The following DMRTB1 variants were observed in gnomAD, a reference collection of about 807,000 sequenced individuals.
DMRTB1 encodes the protein DMRT like family B with proline rich C-terminal 1.
A neutral mutation model predicts 25.2 loss-of-function variants in DMRTB1; 9 were observed. That is an observed-to-expected ratio of 0.36 (90% CI 0.22 to 0.62). DMRTB1 has a LOEUF of 0.62. DMRTB1 is among the 20% of genes least tolerant of loss of function. DMRTB1 has a pLI of 0.71. For synonymous variants in DMRTB1, 269 were observed against 238.1 expected (o/e 1.13, Z -1.20); for missense variants, 551 against 499.3 (o/e 1.10, Z -0.99).
At chr1:53,466,128 G>A (rs1273453216) in intron 3 of DMRTB1, among the ~76,000 whole-genome samples, 5 of 152,204 alleles carry the variant, frequency 3.3e-5, no homozygotes, top group Non-Finnish European at 7.3e-5. Context: ...CCAGGCTCCT[G>A]GCGCCTAACA....
At chr1:53,460,959 C>T (rs557633200) in intron 1 of DMRTB1, among the ~76,000 whole-genome samples, 1 of 152,334 alleles carries the variant, frequency 6.6e-6, no homozygotes, top group Admixed American at 6.5e-5. Flanking sequence ...CCTGAAACTG[C>T]AGATCTAGGA....
intron 1 of DMRTB1, chr1:53,460,236 G>C (rs1436053330): frequency 1.5e-6 from 1 of 657,378 alleles, no homozygotes; most frequent in Non-Finnish European, 2.4e-6. Flanking sequence ...AGGAATGGGC[G>C]GTTCAGAGGG....
Position 53,467,250 on chromosome 1 carries a change from C to CCCT in DMRTB1, c.*588_*589insCCT, listed in dbSNP as rs1644055528. The CCCT allele has an allele frequency of 6.5e-6, 1 of 152,840 alleles. No homozygotes were observed. Among genetic ancestry groups the CCCT allele is most frequent in the Non-Finnish European group, 1.5e-5 (1 of 68,174 alleles). 9.5% of individuals were successfully genotyped at this position (152,840 alleles called of 1,614,324 possible). ...GGGGTTTTACTAGCAAGCATCCTGG[C>CCCT]TGCTGGGGCTACTTCATTCCCCCTC... On this transcript the variant is annotated 3_prime_UTR_variant, in exon 4 of 4. Coordinates refer to ENST00000371445, the MANE Select transcript of DMRTB1 (RefSeq NM_033067.3).
rs1557924393 is a variant in DMRTB1, at chr1:53,466,983, G to T, written c.*321G>T. ...CCATTTATTGGAACAAGCCCCAGAGGCAGTATTTGATTTCCTCAGGCCCCA... is the reference window on the plus strand; with the variant it reads ...CCATTTATTGGAACAAGCCCCAGAGTCAGTATTTGATTTCCTCAGGCCCCA... On this transcript the variant is annotated 3_prime_UTR_variant, in exon 4 of 4. Coordinates refer to ENST00000371445, the MANE Select transcript of DMRTB1 (RefSeq NM_033067.3). 9.6e-6 allele frequency: 3 copies of T among 314,134 alleles called. No individual in the cohort carries two copies. Among genetic ancestry groups the T allele is most frequent in the Non-Finnish European group, 1.8e-5 (3 of 170,580 alleles). The allele number at this position is 314,134 out of a possible 1,614,324, so 19.5% of individuals were successfully genotyped here.
In DMRTB1 at chr1:53,459,574, T is replaced by C. The variant is rs112451149; in HGVS notation, c.121T>C (p.Tyr41His). The change falls in exon 1 of 4, where the codon TAC (tyrosine) becomes CAC (histidine). Residue 41 changes from tyrosine to histidine, a missense_variant. Coordinates refer to ENST00000371445, the MANE Select transcript of DMRTB1 (RefSeq NM_033067.3). ...GAAGCAGTGCCTCTGCGAGAAGTGC[T>C]ACCTGATCTCCGAGCGCCAGAAGAT... The part of the protein sequence containing the change: ...RWKQCLCEKC[Y>H]LISERQKIMA... The C allele has an allele frequency of 5.0e-4, 798 of 1,608,234 alleles. 4 individuals are homozygous for C. The African/African-American group carries it at 9.2e-3, about 19-fold the overall frequency.
chr1:53,464,818 T>C lies in DMRTB1; in HGVS notation c.932T>C (p.Val311Ala). Residue 311 changes from valine (V) to alanine (A), a missense_variant, in exon 3 of 4, where the codon GTC becomes GCC. Coordinates refer to ENST00000371445, the MANE Select transcript of DMRTB1 (RefSeq NM_033067.3). ...PPPPSSFSLT[V>A]LFDTDKENTD... ...CCTCCATCATCTTTCTCACTGACCG[T>C]CCTGTTTGATACTGACAAGGAGAAC... The C allele has an allele frequency of 6.2e-7, 1 of 1,613,458 alleles. No homozygotes were observed. Among genetic ancestry groups the C allele is most frequent in the South Asian group, 1.1e-5 (1 of 91,070 alleles).
chr1:53,460,840 C>CT (rs1174223849), intron 1 of DMRTB1, among the ~76,000 whole-genome samples: 2 of 152,216 alleles, frequency 1.3e-5, no homozygotes, highest in Non-Finnish European at 2.9e-5. Context: ...CTCCTGCCCT[C>CT]TGTGTGCCAG....
Position 53,459,778 on chromosome 1 carries a change from C to A in DMRTB1, c.325C>A (p.Pro109Thr), listed in dbSNP as rs1171888993. 7.2e-7 allele frequency: 1 copy of A among 1,386,468 alleles called. No homozygotes were observed. The highest frequency in any genetic ancestry group is 1.5e-5 in the South Asian group (1 of 67,222). 85.9% of individuals were successfully genotyped at this position (1,386,468 alleles called of 1,614,324 possible). A position where few individuals can be genotyped will look rare whatever the true frequency, so the allele number is the denominator to read the frequency against. ...GGGGACTCCCTCCGGAGACGCCGAC[C>A]CGGGACCCGAGGGCCGCGCGGCCGC... ...SPGTPSGDAD[P>T]GPEGRAAACF... is the part of the protein sequence containing the mutation. The change falls in exon 1 of 4, where the codon CCG (proline) becomes ACG (threonine). Residue 109 changes from proline (P) to threonine (T), a missense_variant. Pro to Thr is a conservative substitution (Grantham distance 38). Transcript: ENST00000371445.
intron 1 of DMRTB1, 26 bp from the exon 2 acceptor site, chr1:53,461,447 C>A: frequency 6.5e-7 from 1 of 1,548,322 alleles, no homozygotes. Flanking sequence ...GTGTCTAACA[C>A]TTCCCTCCTT....
chr1:53,459,775 G>C lies in DMRTB1; in HGVS notation c.322G>C (p.Asp108His). 7.3e-7 allele frequency: 1 copy of C among 1,379,070 alleles called. No individual in the cohort carries two copies. The highest frequency in any genetic ancestry group is 9.4e-7 in the Non-Finnish European group (1 of 1,069,072). 85.4% of individuals were successfully genotyped at this position (1,379,070 alleles called of 1,614,324 possible). ...CCCGGGGACTCCCTCCGGAGACGCC[G>C]ACCCGGGACCCGAGGGCCGCGCGGC... ...LSPGTPSGDA[D>H]PGPEGRAAAC... The change falls in exon 1 of 4, where the codon GAC becomes CAC. Residue 108 changes from aspartate to histidine, a missense_variant. Coordinates refer to ENST00000371445, the MANE Select transcript of DMRTB1 (RefSeq NM_033067.3).
chr1:53,465,173 C>T (rs566194705), intron 3 of DMRTB1, among the ~76,000 whole-genome samples: 6 of 152,272 alleles, frequency 3.9e-5, no homozygotes, highest in Admixed American at 2.0e-4. Flanking sequence ...GGCTCGTGGG[C>T]GGTGCTGTGG....
In DMRTB1 at chr1:53,464,677, T is replaced by TGCCGCC. The variant is rs147307088; in HGVS notation, c.804_809dup (p.Pro269_Pro270dup). The TGCCGCC allele has an allele frequency of 2.4e-4, 394 of 1,611,922 alleles. No homozygotes were observed. Among genetic ancestry groups the TGCCGCC allele is most frequent in the Middle Eastern group, 5.0e-4 (3 of 5,984 alleles). On this transcript the variant is annotated inframe_insertion, in exon 3 of 4. Coordinates refer to ENST00000371445, the MANE Select transcript of DMRTB1 (RefSeq NM_033067.3). Reference sequence around the variant, plus strand: ...GGAGACTTCCAGCCAAGCTACTACCTGCCGCCGCCGCCGCCGCCACTGCCG... The same window carrying TGCCGCC: ...GGAGACTTCCAGCCAAGCTACTACCTGCCGCCGCCGCCGCCGCCGCCGCCACTGCCG...
intron 2 of DMRTB1, among the ~76,000 whole-genome samples, chr1:53,462,450 C>G (rs1644027583): frequency 6.6e-6 from 1 of 152,236 alleles, no homozygotes; most frequent in Non-Finnish European, 1.5e-5. Context: ...GTCACTGGGT[C>G]CTCACTCCTG....
Position 53,466,703 on chromosome 1 carries a change from G to C in DMRTB1, c.*41G>C, listed in dbSNP as rs1644052462. 6.3e-7 allele frequency: 1 copy of C among 1,592,036 alleles called. No individual in the cohort carries two copies. Among genetic ancestry groups the C allele is most frequent in the South Asian group, 1.1e-5 (1 of 89,090 alleles). ...TCCTGGCCAGCAGAGTGGGGCACTG[G>C]GGGGCAACAGCAACAGTTTTCTTGT... is the stretch of plus-strand genomic sequence containing the variant. On this transcript the variant is annotated 3_prime_UTR_variant, in exon 4 of 4. Coordinates refer to ENST00000371445, the MANE Select transcript of DMRTB1 (RefSeq NM_033067.3).
chr1:53,464,503 C>G, intron 2 of DMRTB1, 134 bp from the exon 3 acceptor site: 2 of 1,393,790 alleles, frequency 1.4e-6, no homozygotes, highest in East Asian at 2.3e-5. Context: ...TTCCAAATGC[C>G]CTGTGCCTGT....
chr1:53,463,200 G>C (rs1644030884), intron 2 of DMRTB1, among the ~76,000 whole-genome samples: 1 of 152,220 alleles, frequency 6.6e-6, no homozygotes, highest in Non-Finnish European at 1.5e-5. Context: ...TCAAACCCAA[G>C]AGCCCCTGAA....
In DMRTB1 at chr1:53,466,813, CA is replaced by C; in HGVS notation, c.*153del. Reference sequence around the variant, plus strand: ...CAGTTTAAGATAGGAGGAAGGAGAGCAATTTCTAAGTTTCAATCCTGCGCTG... The same window carrying C: ...CAGTTTAAGATAGGAGGAAGGAGAGCATTTCTAAGTTTCAATCCTGCGCTG... On this transcript the variant is annotated 3_prime_UTR_variant, in exon 4 of 4. Coordinates refer to ENST00000371445, the MANE Select transcript of DMRTB1 (RefSeq NM_033067.3). The C allele has an allele frequency of 1.3e-6, 1 of 780,986 alleles. No homozygotes were observed. Among genetic ancestry groups the C allele is most frequent in the Non-Finnish European group, 2.1e-6 (1 of 469,946 alleles). The allele number at this position is 780,986 out of a possible 1,614,324, so 48.4% of individuals were successfully genotyped here. A position where few individuals can be genotyped will look rare whatever the true frequency, so the allele number is the denominator to read the frequency against.
chr1:53,460,922 G>T (rs534827130), intron 1 of DMRTB1, among the ~76,000 whole-genome samples: 19 of 152,308 alleles, frequency 1.2e-4, no homozygotes, highest in African/African-American at 4.6e-4. Flanking sequence ...GGTCCCCAGG[G>T]AACGTCCCAT....
At chr1:53,462,159 G>C (rs1418697245) in intron 2 of DMRTB1, among the ~76,000 whole-genome samples, 1 of 152,198 alleles carries the variant, frequency 6.6e-6, no homozygotes, top group East Asian at 1.9e-4. Context: ...AATACCTGTT[G>C]AAAGAATGAA....
Sources: allele counts gnomAD v4.1 joint callset (sites outside exome capture counted in the v4.1 genomes callset), GRCh38; gene constraint gnomAD v4.1.1; transcripts MANE v1.5; gene names NCBI Gene and HGNC (gene_info 2026-07-23, HGNC 2026-07-21).